Variants in GRID2 observed in about 807,000 individuals in gnomAD.
GRID2 encodes glutamate ionotropic receptor delta type subunit 2.
GRID2 carries 33 observed loss-of-function variants against 114.8 expected under a neutral mutation model. The observed-to-expected ratio is 0.29, with a 90% CI of 0.22 to 0.38. GRID2 has a LOEUF of 0.38. Ranked by LOEUF, GRID2 falls within the 10% of genes least tolerant of loss-of-function variation. The pLI, the probability that GRID2 is intolerant of heterozygous loss-of-function variation, is 1.00. For missense variants in GRID2, 1,184 were observed against 1,257.7 expected (o/e 0.94, Z 0.89); for synonymous variants, 505 against 449.9 (o/e 1.12, Z -1.55).
At chr4:93,558,136 C>A (rs1244399338) in intron 13 of GRID2, among the ~76,000 whole-genome samples, 5 of 151,854 alleles carry the variant, frequency 3.3e-5, no homozygotes, top group Non-Finnish European at 4.4e-5. Flanking sequence ...GAGAAAGCAG[C>A]AAAGATCTAA....
At chr4:93,717,389 G>A (rs1405414938) in intron 14 of GRID2, among the ~76,000 whole-genome samples, 2 of 148,526 alleles carry the variant, frequency 1.3e-5, no homozygotes, top group African/African-American at 2.5e-5. Context: ...CCTGATGCCT[G>A]TATTGATGCT....
chr4:93,062,485 A>G (rs1407926810), intron 2 of GRID2, among the ~76,000 whole-genome samples: 2 of 152,128 alleles, frequency 1.3e-5, no homozygotes, highest in Non-Finnish European at 2.9e-5. Context: ...TACATTCACC[A>G]AAGAGCGTCA....
intron 1 of GRID2, among the ~76,000 whole-genome samples, chr4:92,534,701 T>A (rs186883646): frequency 6.6e-6 from 1 of 152,290 alleles, no homozygotes; most frequent in Admixed American, 6.5e-5. Context: ...ACAGTCGTGA[T>A]TAGGAATGCT....
intron 9 of GRID2, among the ~76,000 whole-genome samples, chr4:93,397,872 T>G (rs1765487752): frequency 6.6e-6 from 1 of 151,868 alleles, no homozygotes; most frequent in Non-Finnish European, 1.5e-5. Flanking sequence ...GAATTATATA[T>G]TTATTTTTGT....
chr4:92,444,977 G>T (rs528690537), intron 1 of GRID2, among the ~76,000 whole-genome samples: 2 of 152,054 alleles, frequency 1.3e-5, no homozygotes, highest in East Asian at 3.9e-4. Flanking sequence ...TGCCATATTT[G>T]TTTGTTTGTT....
chr4:92,691,208 G>A (rs1162872733), intron 2 of GRID2, among the ~76,000 whole-genome samples: 1 of 152,018 alleles, frequency 6.6e-6, no homozygotes, highest in East Asian at 1.9e-4. Context: ...AGTTTTTACA[G>A]GATATTTTTA....
chr4:93,178,227 G>A (rs1382233199), intron 4 of GRID2, among the ~76,000 whole-genome samples: 7 of 151,836 alleles, frequency 4.6e-5, no homozygotes, highest in African/African-American at 1.5e-4. Flanking sequence ...TCAACCCACT[G>A]TCATGGGACT....
At chr4:92,768,623 A>G (rs913179345) in intron 2 of GRID2, among the ~76,000 whole-genome samples, 1 of 152,166 alleles carries the variant, frequency 6.6e-6, no homozygotes, top group African/African-American at 2.4e-5. Context: ...GGTTTATTGG[A>G]CTTACAGTTC....
At chr4:92,446,520 A>T (rs1201963574) in intron 1 of GRID2, among the ~76,000 whole-genome samples, 1 of 152,190 alleles carries the variant, frequency 6.6e-6, no homozygotes, top group African/African-American at 2.4e-5. Flanking sequence ...TATGAGGCTC[A>T]TTCATGGATT....
chr4:93,288,712 T>G (rs1308116114), intron 8 of GRID2, among the ~76,000 whole-genome samples: 2 of 152,166 alleles, frequency 1.3e-5, no homozygotes, highest in African/African-American at 4.8e-5. Flanking sequence ...AGAGTAAAAA[T>G]TTGTGTTTCT....
intron 1 of GRID2, among the ~76,000 whole-genome samples, chr4:92,537,287 A>T (rs547987431): frequency 6.6e-6 from 1 of 152,250 alleles, no homozygotes; most frequent in South Asian, 2.1e-4. Flanking sequence ...TACTATTATT[A>T]ATTAGCTAAT....
rs539227313 is a variant in GRID2, at chr4:92,911,956, T to C, written c.245-173039T>C. 3.2e-4 allele frequency among the ~76,000 whole-genome samples: 48 copies of C among 151,960 alleles called. 1 individual carries two copies. In the East Asian group the frequency reaches 8.1e-3, roughly 26 times the overall value. ...GTTTTTCCTGTTTATGGCTTAATAATAATTTGGACATAAAGATGCCTACTT... is the reference window on the plus strand; with the variant it reads ...GTTTTTCCTGTTTATGGCTTAATAACAATTTGGACATAAAGATGCCTACTT... On this transcript the variant is annotated intron_variant, in intron 2 of 15. Transcript: ENST00000282020.
intron 1 of GRID2, among the ~76,000 whole-genome samples, chr4:92,469,299 T>A (rs1427566022): frequency 6.6e-6 from 1 of 152,074 alleles, no homozygotes; most frequent in Non-Finnish European, 1.5e-5. Context: ...CCAATGAGAA[T>A]GAAGAAGGTT....
rs917764150 is a variant in GRID2, at chr4:92,925,467, T to C, written c.245-159528T>C. Among the ~76,000 whole-genome samples the C allele has an allele frequency of 8.5e-5, 13 of 152,070 alleles. 1 individual carries two copies. Among genetic ancestry groups the C allele is most frequent in the African/African-American group, 2.7e-4 (11 of 41,452 alleles). Reference sequence around the variant, plus strand: ...GACTACATTTTCAAAGCAACTACTATTTTAAGAAGAGTATATTTCCTTTAT... The same window carrying C: ...GACTACATTTTCAAAGCAACTACTACTTTAAGAAGAGTATATTTCCTTTAT... On this transcript the variant is annotated intron_variant, in intron 2 of 15. Coordinates refer to ENST00000282020, the MANE Select transcript of GRID2 (RefSeq NM_001510.4).
At chr4:92,413,172 C>T (rs1490066374) in intron 1 of GRID2, among the ~76,000 whole-genome samples, 1 of 152,160 alleles carries the variant, frequency 6.6e-6, no homozygotes, top group East Asian at 1.9e-4. Flanking sequence ...AACAATTTTT[C>T]ATCCCTCATC....
chr4:93,624,231 C>T (rs13118965), intron 13 of GRID2, among the ~76,000 whole-genome samples: 26,975 of 151,834 alleles, frequency 0.18, 2,760 homozygotes, highest in Middle Eastern at 0.34. Context: ...AATACTTTTT[C>T]ACTTGATTCT....
intron 14 of GRID2, among the ~76,000 whole-genome samples, chr4:93,676,612 C>G (rs1578538641): frequency 2.0e-5 from 3 of 151,936 alleles, no homozygotes; most frequent in African/African-American, 7.3e-5. Flanking sequence ...TTAAGTTTAG[C>G]TTTTTACTTT....
At chr4:93,106,964 A>T (rs912675892) in intron 3 of GRID2, among the ~76,000 whole-genome samples, 1 of 152,332 alleles carries the variant, frequency 6.6e-6, no homozygotes, top group Admixed American at 6.5e-5. Context: ...GCAAACACAC[A>T]TAGACACTTT....
intron 13 of GRID2, among the ~76,000 whole-genome samples, chr4:93,619,828 TG>T (rs1229136009): frequency 6.6e-6 from 1 of 152,250 alleles, no homozygotes; most frequent in Non-Finnish European, 1.5e-5. Context: ...GCATGCTTTC[TG>T]TGGCCCTTGC....
Sources: gnomAD v4.1 joint callset for allele counts (sites outside exome capture counted in the v4.1 genomes callset) on GRCh38, gnomAD v4.1.1 for gene constraint, MANE v1.5 for transcripts, NCBI Gene and HGNC (gene_info 2026-07-23, HGNC 2026-07-21) for gene names.